SRRT: variants seen among roughly 807,000 people sequenced by gnomAD.
SRRT encodes serrate, RNA effector molecule.
Under a neutral mutation model 103.2 loss-of-function variants are expected in SRRT, and 32 were observed. The ratio of observed to expected loss-of-function variants is 0.31; its 90% confidence interval spans 0.23 to 0.42. The LOEUF is 0.42. Among genes scored for constraint, SRRT ranks in the 10% least tolerant of loss-of-function variants. The probability of loss-of-function intolerance (pLI) is 1.00; values close to 1 mark genes in which losing one functional copy is unlikely to be tolerated. For synonymous variants in SRRT, 525 were observed against 449.0 expected (o/e 1.17, Z -2.14); for missense variants, 986 against 1,207.5 (o/e 0.82, Z 2.72).
chr7:100,885,343 C>G lies in SRRT; in HGVS notation c.1290C>G (p.Pro430=). The G allele has an allele frequency of 6.2e-7, 1 of 1,613,880 alleles. No homozygotes were observed. The highest frequency in any genetic ancestry group is 1.1e-5 in the South Asian group (1 of 91,074). ...TCSLFMRNIA[P]NISRAEIISL... The stretch of plus-strand genomic sequence containing the variant: ...CCCTCTTCATGCGCAACATCGCGCC[C>G]AACATCTCCCGGGCCGAGATCATCT... Residue 430 remains proline (P), a synonymous_variant, in exon 10 of 20, where the codon CCC becomes CCG. Transcript: ENST00000611405. The surrounding 1 kb of genome is among the most constrained non-coding windows in gnomAD (Gnocchi z 4.8).
At chr7:100,876,636 A>AG (rs1250396615) in intron 2 of SRRT, among the ~76,000 whole-genome samples, 16 of 152,256 alleles carry the variant, frequency 1.1e-4, no homozygotes, top group Admixed American at 9.2e-4. Flanking sequence ...CAGAGTTCAT[A>AG]GGGCGGTGCT....
rs1457570785 is a variant in SRRT, at chr7:100,882,091, C to T, written c.437C>T (p.Pro146Leu). The T allele has an allele frequency of 6.8e-6, 11 of 1,613,914 alleles. No homozygotes were observed. Among genetic ancestry groups the T allele is most frequent in the African/African-American group, 1.3e-5 (1 of 74,912 alleles). Residue 146 changes from proline to leucine, a missense_variant, in exon 5 of 20, where the codon CCG (proline) becomes CTG (leucine). Around this residue, in one of 6 missense-constraint regions of SRRT, gnomAD observed 274 missense variants for 358.5 expected, o/e 0.76. Coordinates refer to ENST00000611405, the MANE Select transcript of SRRT (RefSeq NM_015908.6). The surrounding 1 kb of genome is among the most constrained non-coding windows in gnomAD (Gnocchi z 4.2). ...GCAGAGATTGACCTGGGTGTGCCGCCGCCCGTGATGAAGACCTTCAAGGAG... is the reference window on the plus strand; with the variant it reads ...GCAGAGATTGACCTGGGTGTGCCGCTGCCCGTGATGAAGACCTTCAAGGAG... ...SIAEIDLGVP[P>L]PVMKTFKEFL...
chr7:100,876,110 G>C (rs1006471350), intron 2 of SRRT, among the ~76,000 whole-genome samples: 5 of 152,154 alleles, frequency 3.3e-5, no homozygotes, highest in Non-Finnish European at 7.3e-5. Context: ...TTGAGAAGCT[G>C]GGACTCCAGG....
chr7:100,875,354 GC>G, intron 1 of SRRT, 26 bp downstream of exon 1: 2 of 1,279,638 alleles, frequency 1.6e-6, no homozygotes, highest in Non-Finnish European at 1.0e-6. Flanking sequence ...AGCCTGGGGG[GC>G]CCCGCTGGGG....
chr7:100,884,732 T>C lies in SRRT; in HGVS notation c.943-8T>C. Reference sequence around the variant, plus strand: ...TTTGACATCCCCAGTGGTTGTCTCTTACCATAGGCTGAGAATGACAGTTCT... The same window carrying C: ...TTTGACATCCCCAGTGGTTGTCTCTCACCATAGGCTGAGAATGACAGTTCT... On this transcript the variant is annotated splice_polypyrimidine_tract_variant and splice_region_variant and intron_variant, in intron 7 of 19. Coordinates refer to ENST00000611405, the MANE Select transcript of SRRT (RefSeq NM_015908.6). 1 of 1,613,450 alleles carries C rather than the reference T, an allele frequency of 6.2e-7. No homozygotes were observed. The highest frequency in any genetic ancestry group is 1.3e-5 in the African/African-American group (1 of 74,914).
rs1053409110 is a variant in SRRT at position 100,887,466 on chromosome 7, C to G, written c.2122C>G (p.Leu708Val). The change falls in exon 16 of 20, where the codon CTG becomes GTG. Residue 708 changes from leucine (L) to valine (V), a missense_variant. This residue lies in a region of SRRT where 349 missense variants were observed against 446.9 expected (regional missense o/e 0.78). Coordinates refer to ENST00000611405, the MANE Select transcript of SRRT (RefSeq NM_015908.6). The surrounding 1 kb of genome is among the most constrained non-coding windows in gnomAD (Gnocchi z 4.1). ...EKFVTSNTQE[L>V]GKDKWLCPLS... ...GTTCGTCACCTCCAACACGCAGGAA[C>G]TGGGCAAGGATAAGTGGCTGTGTCC... 1.2e-6 allele frequency: 2 copies of G among 1,614,142 alleles called. No individual in the cohort carries two copies. The highest frequency in any genetic ancestry group is 2.2e-5 in the East Asian group (1 of 44,874).
intron 2 of SRRT, 92 bp from the exon 3 acceptor site, chr7:100,881,193 G>A (rs1454198852): frequency 2.1e-6 from 3 of 1,435,178 alleles, no homozygotes; most frequent in Non-Finnish European, 2.9e-6. Context: ...CTGGCCTCAA[G>A]TGTTCTCTGC....
chr7:100,885,208 C>G lies in SRRT; in HGVS notation c.1160-5C>G. On this transcript the variant is annotated splice_region_variant and splice_polypyrimidine_tract_variant and intron_variant, in intron 9 of 19. Transcript: ENST00000611405. The surrounding 1 kb of genome is among the most constrained non-coding windows in gnomAD (Gnocchi z 4.8). ...CAACTCCTTCCTACCCCCCTTCCTG[C>G]CTAGAAGAAGCGCTCAAGGAGAAGG... 1.9e-6 allele frequency: 3 copies of G among 1,613,046 alleles called. No homozygotes were observed. Among genetic ancestry groups the G allele is most frequent in the South Asian group, 1.1e-5 (1 of 91,046 alleles).
chr7:100,879,299 A>G (rs1258292166), intron 2 of SRRT, among the ~76,000 whole-genome samples: 5 of 152,126 alleles, frequency 3.3e-5, no homozygotes, highest in Admixed American at 1.3e-4. Flanking sequence ...TGGTTTCACC[A>G]TGTTGCCCCA....
intron 12 of SRRT, 70 bp downstream of exon 12, chr7:100,886,011 CTT>C (rs1246823274): frequency 1.6e-5 from 25 of 1,530,910 alleles, no homozygotes; most frequent in Non-Finnish European, 2.2e-5. Flanking sequence ...CTCTGTGTGA[CTT>C]TGTTCATCTG....
At chr7:100,875,508 G>T in intron 1 of SRRT, 65 bp from the exon 2 acceptor site, 2 of 1,590,040 alleles carry the variant, frequency 1.3e-6, no homozygotes, top group South Asian at 1.1e-5. Context: ...AGCTGCCCGC[G>T]AGGGACGGTC....
rs1790000609 is a variant in SRRT at position 100,885,395 on chromosome 7, G to A, written c.1317+25G>A. ...CGTGAGTGGGGACCCGTGGAGTCAG[G>A]GCAGGGCTGATGGAGAAGTGGAGGG... On this transcript the variant is annotated intron_variant, in intron 10 of 19. Transcript: ENST00000611405. The surrounding 1 kb of genome is among the most constrained non-coding windows in gnomAD (Gnocchi z 4.8). The A allele has an allele frequency of 1.2e-6, 2 of 1,603,198 alleles. No homozygotes were observed. The highest frequency in any genetic ancestry group is 3.4e-5 in the Admixed American group (2 of 59,214).
At position 100,885,065 on chromosome 7, in the gene SRRT, G is replaced by A. The variant is rs1179649692; in HGVS notation, c.1159+25G>A. 2 of 1,613,458 alleles carry A rather than the reference G, an allele frequency of 1.2e-6. No homozygotes were observed. Among genetic ancestry groups the A allele is most frequent in the East Asian group, 2.2e-5 (1 of 44,874 alleles). On this transcript the variant is annotated intron_variant, in intron 9 of 19. Transcript: ENST00000611405. The surrounding 1 kb of genome is among the most constrained non-coding windows in gnomAD (Gnocchi z 4.8). Reference sequence around the variant, plus strand: ...GGTAGGGTTTCTTTTCTGCTTTAAAGTGCGTTCTCCTAATGCGGGTGGGGA... The same window carrying A: ...GGTAGGGTTTCTTTTCTGCTTTAAAATGCGTTCTCCTAATGCGGGTGGGGA...
At position 100,881,790 on chromosome 7, in the gene SRRT, T is replaced by C; in HGVS notation, c.383T>C (p.Leu128Pro). The C allele has an allele frequency of 6.2e-7, 1 of 1,610,546 alleles. No homozygotes were observed. Among genetic ancestry groups the C allele is most frequent in the Non-Finnish European group, 8.5e-7 (1 of 1,178,778 alleles). The change falls in exon 4 of 20, where the codon CTG (leucine) becomes CCG (proline). Residue 128 changes from leucine (L) to proline (P), a missense_variant. Coordinates refer to ENST00000611405, the MANE Select transcript of SRRT (RefSeq NM_015908.6). ...GTCCACATCATGCAGCACCATGTCC[T>C]GCCTATCCAGGCCAGGTAAGGGTGG... The part of the protein sequence containing the change: ...PDVHIMQHHV[L>P]PIQARLGSIA...
chr7:100,884,996 C>T lies in SRRT; in HGVS notation c.1115C>T (p.Ser372Leu), dbSNP rs761646813. The change falls in exon 9 of 20, where the codon TCG (serine) becomes TTG (leucine). Residue 372 changes from serine (S) to leucine (L), a missense_variant. Transcript: ENST00000611405. Reference protein sequence around the residue: ...FDEGSVSESESESESGQAEEE... With the variant: ...FDEGSVSESELESESGQAEEE... ...GAGGGCAGCGTGTCAGAGTCTGAGT[C>T]GGAGTCAGAGAGCGGCCAGGCTGAG... is the stretch of plus-strand genomic sequence containing the variant. 16 of 1,613,768 alleles carry T rather than the reference C, an allele frequency of 9.9e-6. No homozygotes were observed. Among genetic ancestry groups the T allele is most frequent in the Admixed American group, 3.3e-5 (2 of 59,962 alleles).
At chr7:100,881,460 C>G in intron 3 of SRRT, 47 bp downstream of exon 3, 1 of 1,597,594 alleles carries the variant, frequency 6.3e-7, no homozygotes, top group South Asian at 1.1e-5. Flanking sequence ...TCAGTTCCAC[C>G]TGGGCCTCCC....
At chr7:100,880,472 T>A (rs918559113) in intron 2 of SRRT, among the ~76,000 whole-genome samples, 19 of 151,964 alleles carry the variant, frequency 1.3e-4, no homozygotes, top group African/African-American at 4.3e-4. Context: ...CTGGCTAATT[T>A]TTTTTTGTAT....
In SRRT at chr7:100,887,025, C is replaced by G. The variant is rs779889592; in HGVS notation, c.1822-22C>G. On this transcript the variant is annotated intron_variant, in intron 14 of 19. Coordinates refer to ENST00000611405, the MANE Select transcript of SRRT (RefSeq NM_015908.6). This position sits in a 1 kb window ranked among gnomAD's most constrained non-coding sequence, Gnocchi z 4.1. ...TCGGGCGGTGAGGGCAGGAGCTGAA[C>G]GCTCGCATTCACTTCCCTTAGGTCT... 1.9e-6 allele frequency: 3 copies of G among 1,612,950 alleles called. No individual in the cohort carries two copies. The highest frequency in any genetic ancestry group is 3.3e-5 in the Admixed American group (2 of 59,982).
intron 12 of SRRT, 125 bp from the exon 13 acceptor site, chr7:100,886,122 C>A: frequency 1.6e-6 from 2 of 1,265,814 alleles, no homozygotes; most frequent in Non-Finnish European, 2.2e-6. Flanking sequence ...CCTATGTGGT[C>A]CCCGTCCCCA....
Sources: gnomAD v4.1 joint callset for allele counts (sites outside exome capture counted in the v4.1 genomes callset) on GRCh38, gnomAD v4.1.1 for gene constraint, gnomAD v4.1.1 regional missense constraint, Gnocchi (gnomAD v3.1) non-coding constraint, MANE v1.5 for transcripts, NCBI Gene and HGNC (gene_info 2026-07-23, HGNC 2026-07-21) for gene names.